CMTM8: variants seen among roughly 807,000 people sequenced by gnomAD.
CMTM8 encodes CKLF like MARVEL transmembrane domain containing 8, also known as CKLF-like MARVEL transmembrane domain-containing protein 8.
A neutral mutation model predicts 18.6 loss-of-function variants in CMTM8; 12 were observed. The observed-to-expected ratio is 0.65, with a 90% CI of 0.41 to 1.05. The LOEUF (loss-of-function observed/expected upper bound fraction) is 1.05. CMTM8 is among the 50% of genes least tolerant of loss of function. CMTM8 has a pLI of 0.00. For missense variants in CMTM8, 217 were observed against 227.2 expected (o/e 0.95, Z 0.29); for synonymous variants, 87 against 90.6 (o/e 0.96, Z 0.23).
At chr3:32,248,703 A>C (rs904339110) in intron 1 of CMTM8, among the ~76,000 whole-genome samples, 38 of 151,300 alleles carry the variant, frequency 2.5e-4, no homozygotes, top group African/African-American at 9.2e-4. Flanking sequence ...TTTTTTTTAG[A>C]GACATGATCT....
At chr3:32,349,357 C>T (rs1696659993) in intron 1 of CMTM8, among the ~76,000 whole-genome samples, 1 of 151,880 alleles carries the variant, frequency 6.6e-6, no homozygotes, top group African/African-American at 2.4e-5. Context: ...TAATGAAGAC[C>T]TGGCTGCCAG....
At chr3:32,246,455 A>G (rs533896958) in intron 1 of CMTM8, among the ~76,000 whole-genome samples, 1 of 152,038 alleles carries the variant, frequency 6.6e-6, no homozygotes, top group African/African-American at 2.4e-5. Flanking sequence ...CTATTCGCTC[A>G]CCCCTGCTTC....
intron 1 of CMTM8, among the ~76,000 whole-genome samples, chr3:32,290,443 T>C (rs58100241): frequency 1.4e-3 from 211 of 152,364 alleles, no homozygotes; most frequent in African/African-American, 4.9e-3. Context: ...GTAATTATAA[T>C]TCAAATCACA....
At chr3:32,265,084 A>T (rs1273073175) in intron 1 of CMTM8, among the ~76,000 whole-genome samples, 1 of 152,174 alleles carries the variant, frequency 6.6e-6, no homozygotes, top group African/African-American at 2.4e-5. Context: ...AATTGAACTC[A>T]GCTGTGCACC....
chr3:32,339,787 C>A (rs1031226040), intron 1 of CMTM8, among the ~76,000 whole-genome samples: 2 of 152,104 alleles, frequency 1.3e-5, no homozygotes, highest in African/African-American at 4.8e-5. Flanking sequence ...CACAGAGAAA[C>A]CCCATCTCTA....
intron 1 of CMTM8, among the ~76,000 whole-genome samples, chr3:32,299,531 A>G (rs914805459): frequency 3.3e-5 from 5 of 152,248 alleles, no homozygotes; most frequent in Admixed American, 3.3e-4. Flanking sequence ...CCTGGGGTAC[A>G]TGAGATGTTT....
At chr3:32,281,040 T>A (rs1428160562) in intron 1 of CMTM8, among the ~76,000 whole-genome samples, 1 of 152,062 alleles carries the variant, frequency 6.6e-6, no homozygotes, top group Non-Finnish European at 1.5e-5. Flanking sequence ...ACCCAACTAT[T>A]TCTGAAGGGA....
intron 1 of CMTM8, among the ~76,000 whole-genome samples, chr3:32,279,205 T>G (rs1352403152): frequency 1.3e-5 from 2 of 149,950 alleles, no homozygotes; most frequent in African/African-American, 2.5e-5. Flanking sequence ...TACTTTAAGT[T>G]TTAGGGTACA....
In CMTM8 at chr3:32,259,179, C is replaced by T. The variant is rs9878332; in HGVS notation, c.147+20060C>T. 1,214 of 464,214 alleles carry T rather than the reference C, an allele frequency of 2.6e-3. 12 individuals carry two copies. Among genetic ancestry groups the T allele is most frequent in the African/African-American group, 0.022 (1,128 of 50,174 alleles). The allele number at this position is 464,214 out of a possible 1,614,324, so 28.8% of individuals were successfully genotyped here. On this transcript the variant is annotated intron_variant, in intron 1 of 3. Transcript: ENST00000307526. Reference sequence around the variant, plus strand: ...CCAGGGGTCTGGCAGAAATGGGAGGCATCCAGAGCGGGAAGGAGACCACGC... The same window carrying T: ...CCAGGGGTCTGGCAGAAATGGGAGGTATCCAGAGCGGGAAGGAGACCACGC...
At chr3:32,296,433 A>G (rs758633829) in intron 1 of CMTM8, among the ~76,000 whole-genome samples, 11 of 152,222 alleles carry the variant, frequency 7.2e-5, no homozygotes, top group Non-Finnish European at 1.6e-4. Flanking sequence ...GGATAGTTGA[A>G]GCGTAGAATA....
intron 1 of CMTM8, among the ~76,000 whole-genome samples, chr3:32,258,005 CA>C (rs1181821500): frequency 6.6e-6 from 1 of 152,058 alleles, no homozygotes; most frequent in Non-Finnish European, 1.5e-5. Flanking sequence ...CTGGAAATCT[CA>C]AATCTTTATC....
intron 1 of CMTM8, among the ~76,000 whole-genome samples, chr3:32,250,471 G>A (rs1163080245): frequency 6.6e-6 from 1 of 152,102 alleles, no homozygotes; most frequent in Non-Finnish European, 1.5e-5. Flanking sequence ...AGATCAATTT[G>A]GTGAGTACTG....
At chr3:32,348,543 GGAGAC>G (rs1696646262) in intron 1 of CMTM8, among the ~76,000 whole-genome samples, 1 of 25,574 alleles carries the variant, frequency 3.9e-5, no homozygotes, top group South Asian at 1.9e-3. Context: ...TTTTTTTTTT[GGAGAC>G]AAGATCTGAC....
intron 2 of CMTM8, among the ~76,000 whole-genome samples, chr3:32,361,297 T>TGTTTTTTTGTTTTTTTTTTTTTA (rs1559390131): frequency 1.0e-4 from 4 of 39,796 alleles, no homozygotes; most frequent in Non-Finnish European, 2.5e-4. Context: ...TTTTTTTTTC[T>TGTTTTTTTGTTTTTTTTTTTTTA]TTCAAATTTT....
chr3:32,318,563 A>AG (rs1695974936), intron 1 of CMTM8, among the ~76,000 whole-genome samples: 1 of 136,120 alleles, frequency 7.3e-6, no homozygotes, highest in Non-Finnish European at 1.6e-5. Flanking sequence ...AGTCATTATT[A>AG]ATTTTTTTTT....
At chr3:32,355,581 C>A (rs1696801367) in intron 1 of CMTM8, among the ~76,000 whole-genome samples, 1 of 152,110 alleles carries the variant, frequency 6.6e-6, no homozygotes, top group Admixed American at 6.6e-5. Flanking sequence ...ACCACTGCTC[C>A]CCCTTTCCCC....
intron 1 of CMTM8, among the ~76,000 whole-genome samples, chr3:32,324,709 C>T (rs1298820669): frequency 1.3e-5 from 2 of 152,172 alleles, no homozygotes; most frequent in Non-Finnish European, 2.9e-5. Flanking sequence ...AATTACCTAC[C>T]AACCCCCTGC....
intron 2 of CMTM8, among the ~76,000 whole-genome samples, chr3:32,361,131 G>A (rs1356581613): frequency 2.0e-5 from 3 of 152,000 alleles, no homozygotes; most frequent in Non-Finnish European, 2.9e-5. Context: ...AAAGGCATGC[G>A]CCACCACGCC....
chr3:32,278,013 A>T (rs1024877124), intron 1 of CMTM8, among the ~76,000 whole-genome samples: 5 of 152,186 alleles, frequency 3.3e-5, no homozygotes, highest in Admixed American at 6.5e-5. Context: ...GGCAGACATG[A>T]TAGCTCCGTG....
Sources: gnomAD v4.1 joint callset for allele counts (sites outside exome capture counted in the v4.1 genomes callset) on GRCh38, gnomAD v4.1.1 for gene constraint, MANE v1.5 for transcripts, NCBI Gene and HGNC (gene_info 2026-07-23, HGNC 2026-07-21) for gene names.